Variants in PDE4D observed in about 807,000 individuals in gnomAD.
PDE4D encodes the protein phosphodiesterase 4D, also known as 3',5'-cyclic-AMP phosphodiesterase 4D.
In PDE4D, 24 loss-of-function variants were observed where a neutral mutation model predicts 87.4. That is an observed-to-expected ratio of 0.27 (90% confidence interval 0.20 to 0.39). PDE4D has a LOEUF of 0.39. Among genes scored for constraint, PDE4D ranks in the 10% least tolerant of loss-of-function variants. The pLI, the probability that PDE4D is intolerant of heterozygous loss-of-function variation, is 1.00. For missense variants in PDE4D, 714 were observed against 1,041.0 expected (o/e 0.69, Z 4.32); for synonymous variants, 384 against 383.2 (o/e 1.00, Z -0.02).
At chr5:59,528,129 G>A (rs1301735396) in intron 1 of PDE4D, among the ~76,000 whole-genome samples, 3 of 152,014 alleles carry the variant, frequency 2.0e-5, no homozygotes, top group South Asian at 4.2e-4. Flanking sequence ...AATCTAATAG[G>A]GGCACTGTGA....
chr5:60,282,228 T>C (rs1262815854), intron 1 of PDE4D, among the ~76,000 whole-genome samples: 1 of 146,612 alleles, frequency 6.8e-6, no homozygotes, highest in East Asian at 2.0e-4. Context: ...TATATATATA[T>C]ATATATATAT....
At chr5:60,414,329 TTGAG>T (rs377157074) in intron 1 of PDE4D, among the ~76,000 whole-genome samples, 39 of 152,364 alleles carry the variant, frequency 2.6e-4, no homozygotes, top group African/African-American at 8.7e-4. Context: ...ATTGATATTA[TTGAG>T]TATTTTTATG....
At chr5:59,386,010 G>C (rs1362969693) in intron 1 of PDE4D, among the ~76,000 whole-genome samples, 1 of 152,118 alleles carries the variant, frequency 6.6e-6, no homozygotes, top group Non-Finnish European at 1.5e-5. Context: ...TAAATCTTGG[G>C]TATTTCTGTG....
intron 1 of PDE4D, among the ~76,000 whole-genome samples, chr5:59,606,687 A>G (rs1464978345): frequency 6.6e-6 from 1 of 152,110 alleles, no homozygotes. Context: ...TAAAGAACAT[A>G]ACCTTCGTAA....
intron 1 of PDE4D, among the ~76,000 whole-genome samples, chr5:59,884,215 T>C (rs1749848054): frequency 6.6e-6 from 1 of 152,026 alleles, no homozygotes. Context: ...TCTCTACATA[T>C]ATATGTAGTA....
chr5:59,738,562 G>A (rs1366210061), intron 1 of PDE4D, among the ~76,000 whole-genome samples: 1 of 151,998 alleles, frequency 6.6e-6, no homozygotes, highest in Admixed American at 6.6e-5. Flanking sequence ...CCTCTGGGTG[G>A]GAAGGAAAGG....
At chr5:60,391,637 G>A (rs973050961) in intron 1 of PDE4D, among the ~76,000 whole-genome samples, 1 of 151,690 alleles carries the variant, frequency 6.6e-6, no homozygotes, top group Non-Finnish European at 1.5e-5. Flanking sequence ...CTCTTTTCCT[G>A]CCTACCTTTT....
intron 1 of PDE4D, among the ~76,000 whole-genome samples, chr5:60,418,187 G>GA (rs1742781840): frequency 5.3e-5 from 8 of 152,004 alleles, no homozygotes; most frequent in Admixed American, 3.9e-4. Context: ...AAAAAAACAA[G>GA]AAAGAAAGAA....
rs932573873 is a variant in PDE4D at position 60,264,881 on chromosome 5, C to A, written c.-89-79194G>T. On this transcript the variant is annotated intron_variant, in intron 1 of 16. Coordinates refer to the PDE4D transcript ENST00000502484. ...TAGTGGAATCTTTACTCAGAAAGAA[C>A]CCTTGGAATTCACTCATTCATTTAT... 2.0e-5 allele frequency among the ~76,000 whole-genome samples: 3 copies of A among 152,132 alleles called. No individual in the cohort carries two copies. The East Asian group carries it at 5.8e-4, about 29-fold the overall frequency.
At chr5:59,012,659 C>T (rs1377532170) in intron 6 of PDE4D, among the ~76,000 whole-genome samples, 1 of 152,140 alleles carries the variant, frequency 6.6e-6, no homozygotes, top group African/African-American at 2.4e-5. Context: ...AAAGCAAGTC[C>T]TTAGAGACCT....
intron 1 of PDE4D, among the ~76,000 whole-genome samples, chr5:60,293,468 G>A (rs964004130): frequency 1.3e-5 from 2 of 151,912 alleles, no homozygotes; most frequent in African/African-American, 4.8e-5. Context: ...GAGCAGAGAC[G>A]GCGCCACTGC....
At chr5:59,459,747 C>T (rs77355655) in intron 1 of PDE4D, among the ~76,000 whole-genome samples, 2,875 of 152,230 alleles carry the variant, frequency 0.019, 91 homozygotes, top group African/African-American at 0.065. Flanking sequence ...CTTTTAGTTA[C>T]GGAAGGAAGC....
chr5:59,514,297 G>A (rs917090014), intron 1 of PDE4D, among the ~76,000 whole-genome samples: 1 of 151,998 alleles, frequency 6.6e-6, no homozygotes, highest in African/African-American at 2.4e-5. Context: ...AGTAGAGACA[G>A]GGTTTCACCG....
chr5:60,446,630 A>G (rs1745664131), intron 1 of PDE4D, among the ~76,000 whole-genome samples: 1 of 152,202 alleles, frequency 6.6e-6, no homozygotes, highest in Non-Finnish European at 1.5e-5. Flanking sequence ...AATGATACCA[A>G]TATCGTTAGC....
At chr5:59,973,123 C>T (rs1314151833) in intron 3 of PDE4D, among the ~76,000 whole-genome samples, 2 of 151,878 alleles carry the variant, frequency 1.3e-5, no homozygotes, top group Non-Finnish European at 2.9e-5. Context: ...TAAAATATTC[C>T]CAGTACCTCA....
At chr5:59,089,172 TTTG>T (rs202105850) in intron 5 of PDE4D, among the ~76,000 whole-genome samples, 6 of 151,960 alleles carry the variant, frequency 3.9e-5, no homozygotes, top group South Asian at 2.1e-4. Flanking sequence ...TTTATACATT[TTTG>T]TTGTTGTTGT....
chr5:59,804,151 A>G (rs1767474974), intron 1 of PDE4D, among the ~76,000 whole-genome samples: 1 of 152,280 alleles, frequency 6.6e-6, no homozygotes, highest in Admixed American at 6.5e-5. Context: ...ACTGTACCCA[A>G]TATGTAGTCT....
chr5:59,029,803 T>C (rs894517445), intron 6 of PDE4D, among the ~76,000 whole-genome samples: 2 of 152,180 alleles, frequency 1.3e-5, no homozygotes, highest in African/African-American at 4.8e-5. Context: ...ATAAAGCTAC[T>C]GTAATCAAAA....
rs372308639 is a variant in PDE4D, at chr5:59,746,447, A to C, written c.455+146721T>G. Among the ~76,000 whole-genome samples the C allele has an allele frequency of 2.0e-5, 3 of 152,266 alleles. No homozygotes were observed. The East Asian group carries it at 5.8e-4, about 29-fold the overall frequency. On this transcript the variant is annotated intron_variant, in intron 1 of 14. Transcript: ENST00000340635. ...AATTACTGTTTCTGGAACTAATTAAATAGACCAAAGAAACCGGCCATCCCA... is the reference window on the plus strand; with the variant it reads ...AATTACTGTTTCTGGAACTAATTAACTAGACCAAAGAAACCGGCCATCCCA...
Sources: allele counts gnomAD v4.1 joint callset (sites outside exome capture counted in the v4.1 genomes callset), GRCh38; gene constraint gnomAD v4.1.1; transcripts MANE v1.5; gene names NCBI Gene and HGNC (gene_info 2026-07-23, HGNC 2026-07-21).